ARHGAP5: variants seen among roughly 807,000 people sequenced by gnomAD.
ARHGAP5 encodes the protein rho GTPase-activating protein 5.
A neutral mutation model predicts 116.6 loss-of-function variants in ARHGAP5; 23 were observed. The observed-to-expected ratio is 0.20, with a 90% CI of 0.14 to 0.28. The LOEUF is 0.28. Ranked by LOEUF, ARHGAP5 falls within the 10% of genes least tolerant of loss-of-function variation. The pLI is 1.00. For missense variants in ARHGAP5, 1,405 were observed against 1,774.8 expected (o/e 0.79, Z 3.74); for synonymous variants, 574 against 602.0 (o/e 0.95, Z 0.68).
intron 3 of ARHGAP5, among the ~76,000 whole-genome samples, chr14:32,119,018 C>T (rs1594369359): frequency 1.3e-5 from 2 of 151,930 alleles, no homozygotes; most frequent in Admixed American, 1.3e-4. Context: ...AACTCTCAGG[C>T]GATTTATATA....
At chr14:32,083,095 G>T (rs1405065103) in intron 1 of ARHGAP5, among the ~76,000 whole-genome samples, 1 of 152,214 alleles carries the variant, frequency 6.6e-6, no homozygotes, top group Admixed American at 6.5e-5. Flanking sequence ...CTGGAGAGAC[G>T]ACTTTACAAT....
intron 3 of ARHGAP5, among the ~76,000 whole-genome samples, chr14:32,143,505 A>G (rs1002720262): frequency 2.0e-5 from 3 of 152,234 alleles, no homozygotes; most frequent in Non-Finnish European, 4.4e-5. Context: ...TGGCCTCCCA[A>G]AGTGCTGGGA....
intron 6 of ARHGAP5, among the ~76,000 whole-genome samples, chr14:32,153,066 T>A (rs969227563): frequency 3.3e-5 from 5 of 149,502 alleles, no homozygotes; most frequent in African/African-American, 7.4e-5. Flanking sequence ...TTTTTTTTTT[T>A]AAACTAATAG....
At chr14:32,133,652 T>C (rs1880627275) in intron 3 of ARHGAP5, among the ~76,000 whole-genome samples, 2 of 152,194 alleles carry the variant, frequency 1.3e-5, no homozygotes, top group African/African-American at 4.8e-5. Context: ...GGCATCCCTG[T>C]CTTGTGCCCG....
chr14:32,144,523 G>A (rs1468198403), intron 3 of ARHGAP5, among the ~76,000 whole-genome samples: 16 of 151,336 alleles, frequency 1.1e-4, no homozygotes, highest in East Asian at 5.8e-4. Flanking sequence ...TCGCTCTGTC[G>A]CCGAGGCTGG....
At chr14:32,087,744 C>T (rs915236366) in intron 1 of ARHGAP5, among the ~76,000 whole-genome samples, 6 of 152,002 alleles carry the variant, frequency 3.9e-5, no homozygotes, top group African/African-American at 1.4e-4. Flanking sequence ...CTCCCTGTAT[C>T]TAATGGGCAT....
At chr14:32,140,087 G>GTTTTTTTTTTTTTTTTTTTTT (rs1881028802) in intron 3 of ARHGAP5, among the ~76,000 whole-genome samples, 3 of 29,850 alleles carry the variant, frequency 1.0e-4, no homozygotes, top group Non-Finnish European at 2.2e-4. Context: ...TTTTTTTTAG[G>GTTTTTTTTTTTTTTTTTTTTT]TTATTTGTTC....
At chr14:32,139,155 C>A (rs748747893) in intron 3 of ARHGAP5, among the ~76,000 whole-genome samples, 2 of 152,018 alleles carry the variant, frequency 1.3e-5, no homozygotes, top group African/African-American at 2.4e-5. Context: ...TTTTAAAAAT[C>A]TGTATATGTA....
chr14:32,102,790 G>C (rs1198605790), intron 2 of ARHGAP5, among the ~76,000 whole-genome samples: 2 of 152,152 alleles, frequency 1.3e-5, no homozygotes, highest in Non-Finnish European at 2.9e-5. Flanking sequence ...AACTGTTCAT[G>C]TGTTTAACTA....
At chr14:32,109,022 T>G (rs1879155645) in intron 2 of ARHGAP5, among the ~76,000 whole-genome samples, 1 of 152,160 alleles carries the variant, frequency 6.6e-6, no homozygotes, top group Admixed American at 6.5e-5. Context: ...CTTGATAGAT[T>G]GAATTCTAGA....
chr14:32,148,619 A>G (rs1881500588), intron 4 of ARHGAP5, among the ~76,000 whole-genome samples: 1 of 152,198 alleles, frequency 6.6e-6, no homozygotes, highest in Non-Finnish European at 1.5e-5. Flanking sequence ...TGAAATCTAA[A>G]TGTTCAGTAA....
intron 3 of ARHGAP5, among the ~76,000 whole-genome samples, chr14:32,136,969 G>A (rs933054195): frequency 4.6e-5 from 7 of 151,506 alleles, no homozygotes; most frequent in Non-Finnish European, 7.4e-5. Flanking sequence ...TTGATTCCTA[G>A]TACTGGACTT....
intron 3 of ARHGAP5, among the ~76,000 whole-genome samples, chr14:32,130,301 G>A (rs1337041359): frequency 2.3e-5 from 3 of 130,756 alleles, no homozygotes; most frequent in East Asian, 2.4e-4. Flanking sequence ...AACCTCTACC[G>A]CCCAGGTTCA....
At chr14:32,135,559 T>C (rs1269393638) in intron 3 of ARHGAP5, among the ~76,000 whole-genome samples, 1 of 152,116 alleles carries the variant, frequency 6.6e-6, no homozygotes, top group East Asian at 1.9e-4. Context: ...AGTAGCTGGG[T>C]TTACGGGCAC....
intron 3 of ARHGAP5, among the ~76,000 whole-genome samples, chr14:32,123,954 G>T (rs1880016166): frequency 6.6e-6 from 1 of 152,102 alleles, no homozygotes; most frequent in Admixed American, 6.5e-5. Flanking sequence ...TTGGCCTCAA[G>T]AAGTTTTCTC....
At chr14:32,081,409 A>G (rs998284556) in intron 1 of ARHGAP5, among the ~76,000 whole-genome samples, 2 of 152,028 alleles carry the variant, frequency 1.3e-5, no homozygotes, top group Non-Finnish European at 2.9e-5. Flanking sequence ...GCAGATGGGA[A>G]GAAAATATAA....
chr14:32,133,025 C>T (rs1421578029), intron 3 of ARHGAP5, among the ~76,000 whole-genome samples: 1 of 152,130 alleles, frequency 6.6e-6, no homozygotes, highest in African/African-American at 2.4e-5. Flanking sequence ...AGTGTGATGC[C>T]TCCAGCTTTG....
intron 4 of ARHGAP5, among the ~76,000 whole-genome samples, chr14:32,147,443 T>G (rs1881429057): frequency 1.3e-5 from 2 of 152,206 alleles, no homozygotes; most frequent in South Asian, 4.1e-4. Context: ...AGGATTATAT[T>G]TATTTGTTTT....
At chr14:32,145,456 C>CTGT (rs141781352) in intron 3 of ARHGAP5, among the ~76,000 whole-genome samples, 9,939 of 152,078 alleles carry the variant, frequency 0.065, 1,038 homozygotes, top group African/African-American at 0.22. Flanking sequence ...CTTCTTGTTG[C>CTGT]TGTTGTTGGG....
Sources: gnomAD v4.1 joint callset for allele counts (sites outside exome capture counted in the v4.1 genomes callset) on GRCh38, gnomAD v4.1.1 for gene constraint, MANE v1.5 for transcripts, NCBI Gene and HGNC (gene_info 2026-07-23, HGNC 2026-07-21) for gene names.